The following LOXHD1 variants were observed in gnomAD, a reference collection of about 807,000 sequenced individuals.
The protein encoded by LOXHD1 is lipoxygenase homology PLAT domains 1.
In LOXHD1, 205 loss-of-function variants were observed where a neutral mutation model predicts 248.2. The ratio of observed to expected loss-of-function variants is 0.83; its 90% CI spans 0.74 to 0.93. The LOEUF (loss-of-function observed/expected upper bound fraction) is 0.93, where lower values mean the gene tolerates loss of function less well. LOXHD1 is among the 40% of genes least tolerant of loss of function. The probability of loss-of-function intolerance (pLI) is 0.00; values close to 1 mark genes in which losing one functional copy is unlikely to be tolerated. For missense variants in LOXHD1, 2,930 were observed against 2,971.6 expected (o/e 0.99, Z 0.33); for synonymous variants, 1,113 against 1,162.8 (o/e 0.96, Z 0.87).
chr18:46,579,584 G>T, intron 13 of LOXHD1, 46 bp downstream of exon 13: 2 of 1,550,558 alleles, frequency 1.3e-6, no homozygotes, highest in Non-Finnish European at 1.7e-6. Flanking sequence ...ACATGGGAAG[G>T]GAACTGGGAG....
intron 22 of LOXHD1, among the ~76,000 whole-genome samples, chr18:46,545,732 C>A (rs1413463975): frequency 7.0e-6 from 1 of 143,686 alleles, no homozygotes; most frequent in Non-Finnish European, 1.5e-5. Flanking sequence ...CGGGTTCACG[C>A]CATTCTCCTG....
chr18:46,569,653 G>C lies in LOXHD1; in HGVS notation c.2048-15C>G. On this transcript the variant is annotated splice_polypyrimidine_tract_variant and intron_variant, in intron 15 of 40. Coordinates refer to ENST00000642948, the MANE Select transcript of LOXHD1 (RefSeq NM_001384474.1). ...ATAGCGAAAGTCTGAACAGCCCAAG[G>C]CAGAGGGAGGAAGGGAAGGGGTTAG... 6.5e-7 allele frequency: 1 copy of C among 1,543,114 alleles called. No individual in the cohort carries two copies. Among genetic ancestry groups the C allele is most frequent in the East Asian group, 2.5e-5 (1 of 40,706 alleles).
At chr18:46,604,869 G>A (rs1006398145) in intron 6 of LOXHD1, among the ~76,000 whole-genome samples, 1 of 152,118 alleles carries the variant, frequency 6.6e-6, no homozygotes, top group Non-Finnish European at 1.5e-5. Flanking sequence ...CTGAAAACTC[G>A]CTCTAGGATA....
At position 46,582,645 on chromosome 18, in the gene LOXHD1, T is replaced by A. The variant is rs536921024; in HGVS notation, c.1655-2861A>T. Among the ~76,000 whole-genome samples the A allele has an allele frequency of 5.9e-5, 9 of 152,306 alleles. No individual in the cohort carries two copies. In the East Asian group the frequency reaches 1.7e-3, roughly 29 times the overall value. On this transcript the variant is annotated intron_variant, in intron 12 of 40. Coordinates refer to ENST00000642948, the MANE Select transcript of LOXHD1 (RefSeq NM_001384474.1). ...AATTTAATTAGACTAAACATTTCCA[T>A]CAAAAGCCGGAGTGTGGTGGCCATT...
intron 18 of LOXHD1, among the ~76,000 whole-genome samples, 156 bp from the exon 19 acceptor site, chr18:46,560,701 C>T (rs1414569633): frequency 3.3e-5 from 5 of 152,180 alleles, no homozygotes; most frequent in Non-Finnish European, 7.3e-5. Flanking sequence ...TCCACCACCT[C>T]CCTCTCTCCG....
chr18:46,488,522 C>T (rs1184873327), intron 38 of LOXHD1, among the ~76,000 whole-genome samples: 1 of 152,200 alleles, frequency 6.6e-6, no homozygotes, highest in Non-Finnish European at 1.5e-5. Context: ...CCCTCAGGAT[C>T]AATTACTCTT....
Position 46,546,898 on chromosome 18 carries a change from T to C in LOXHD1, c.3511A>G (p.Lys1171Glu), listed in dbSNP as rs1400810655. 1 of 1,549,134 alleles carries C rather than the reference T, an allele frequency of 6.5e-7. No homozygotes were observed. Among genetic ancestry groups the C allele is most frequent in the Non-Finnish European group, 8.7e-7 (1 of 1,144,862 alleles). ...NPLDNLALEQ[K>E]DKSTTFSVTI... ...AATCAGCTCTAGTTTAGAAAACCTT[T>C]CTGCTCCAGGGCCAGGTTGTCGAGG... Residue 1171 changes from lysine (K) to glutamate (E), a missense_variant, in exon 22 of 41, where the codon AAA becomes GAA. Physicochemically the swap from Lys to Glu is moderately conservative, Grantham distance 56 (BLOSUM62 1). Transcript: ENST00000642948.
intron 34 of LOXHD1, among the ~76,000 whole-genome samples, chr18:46,510,310 C>T (rs59806055): frequency 0.029 from 4,425 of 152,338 alleles, 114 homozygotes; most frequent in East Asian, 0.12. Context: ...TAGATGGCAT[C>T]GTTCACATTT....
chr18:46,551,334 A>G (rs1034367063), intron 21 of LOXHD1, among the ~76,000 whole-genome samples: 1 of 151,840 alleles, frequency 6.6e-6, no homozygotes, highest in Non-Finnish European at 1.5e-5. Flanking sequence ...CGATCTCCTG[A>G]CCTTGTGATC....
intron 4 of LOXHD1, among the ~76,000 whole-genome samples, chr18:46,631,170 T>C (rs961913070): frequency 7.2e-5 from 11 of 152,174 alleles, no homozygotes; most frequent in Non-Finnish European, 1.6e-4. Flanking sequence ...ACCAGGTAGA[T>C]AGGAGGAGAC....
intron 15 of LOXHD1, among the ~76,000 whole-genome samples, chr18:46,570,713 A>C (rs2037735103): frequency 6.6e-6 from 1 of 152,212 alleles, no homozygotes; most frequent in South Asian, 2.1e-4. Flanking sequence ...TGGGCCACAC[A>C]AAAAATACAC....
At chr18:46,589,380 C>A (rs552432512) in intron 12 of LOXHD1, among the ~76,000 whole-genome samples, 2 of 152,122 alleles carry the variant, frequency 1.3e-5, no homozygotes, top group South Asian at 2.1e-4. Context: ...AAGCAAGGAG[C>A]CCCCTGGCCC....
chr18:46,632,000 A>C (rs562549342), intron 4 of LOXHD1, among the ~76,000 whole-genome samples: 147 of 152,332 alleles, frequency 9.6e-4, no homozygotes, highest in African/African-American at 3.4e-3. Context: ...GAGCCAACAC[A>C]ATCTGAGCAA....
chr18:46,611,444 G>C (rs1193772926), intron 5 of LOXHD1, among the ~76,000 whole-genome samples: 1 of 152,160 alleles, frequency 6.6e-6, no homozygotes, highest in Non-Finnish European at 1.5e-5. Context: ...ACTCCGTCTT[G>C]CAAATGAAGA....
chr18:46,493,199 C>T (rs2033607862), intron 37 of LOXHD1, among the ~76,000 whole-genome samples: 2 of 152,324 alleles, frequency 1.3e-5, no homozygotes, highest in South Asian at 4.1e-4. Context: ...ACCATTCTGT[C>T]TGTTTGGAAC....
intron 11 of LOXHD1, 61 bp downstream of exon 11, chr18:46,592,437 A>G (rs1040146562): frequency 5.9e-6 from 8 of 1,363,368 alleles, no homozygotes; most frequent in Non-Finnish European, 7.1e-6. Context: ...GGGTCATTGA[A>G]AAGGGACCAT....
chr18:46,541,747 G>C (rs2036568088), intron 25 of LOXHD1, 29 bp downstream of exon 25: 1 of 1,551,352 alleles, frequency 6.4e-7, no homozygotes. Flanking sequence ...CCCCAGAGAA[G>C]GGCTGGCCTT....
intron 12 of LOXHD1, among the ~76,000 whole-genome samples, chr18:46,590,114 A>G (rs1009611905): frequency 6.6e-6 from 1 of 152,224 alleles, no homozygotes; most frequent in African/African-American, 2.4e-5. Context: ...ATGCATTAAC[A>G]CAGTGGTTCT....
intron 23 of LOXHD1, 76 bp from the exon 24 acceptor site, chr18:46,542,931 C>A: frequency 1.3e-6 from 2 of 1,532,638 alleles, no homozygotes; most frequent in East Asian, 2.5e-5. Flanking sequence ...AACCTTTAAT[C>A]CCTTTTCAAA....
Sources: allele counts gnomAD v4.1 joint callset (sites outside exome capture counted in the v4.1 genomes callset), GRCh38; gene constraint gnomAD v4.1.1; transcripts MANE v1.5; gene names NCBI Gene and HGNC (gene_info 2026-07-23, HGNC 2026-07-21).